GALNTL6: variants seen among roughly 807,000 people sequenced by gnomAD.
The protein encoded by GALNTL6 is polypeptide N-acetylgalactosaminyltransferase-like 6.
Under a neutral mutation model 73.7 loss-of-function variants are expected in GALNTL6, and 46 were observed. That is an observed-to-expected ratio of 0.62 (90% CI 0.49 to 0.80). The LOEUF is 0.80. Ranked by LOEUF, GALNTL6 falls within the 30% of genes least tolerant of loss-of-function variation. GALNTL6 has a pLI of 0.00. For synonymous variants in GALNTL6, 259 were observed against 263.7 expected (o/e 0.98, Z 0.17); for missense variants, 604 against 755.0 (o/e 0.80, Z 2.34).
At chr4:172,856,282 A>G (rs1233492572) in intron 7 of GALNTL6, among the ~76,000 whole-genome samples, 1 of 152,218 alleles carries the variant, frequency 6.6e-6, no homozygotes, top group Non-Finnish European at 1.5e-5. Flanking sequence ...TCAAAAGCAC[A>G]AGTCAAATCA....
intron 8 of GALNTL6, among the ~76,000 whole-genome samples, chr4:172,928,000 A>T (rs1748146255): frequency 1.3e-5 from 2 of 152,232 alleles, no homozygotes; most frequent in African/African-American, 4.8e-5. Flanking sequence ...TGGAAACTAT[A>T]ATCTCCCACA....
chr4:171,937,230 G>A (rs1560849173), intron 2 of GALNTL6, among the ~76,000 whole-genome samples: 1 of 152,046 alleles, frequency 6.6e-6, no homozygotes, highest in Non-Finnish European at 1.5e-5. Flanking sequence ...TGACATGAGT[G>A]CGATGAAATG....
intron 4 of GALNTL6, among the ~76,000 whole-genome samples, chr4:172,339,508 G>T (rs944733941): frequency 1.3e-5 from 2 of 152,008 alleles, no homozygotes; most frequent in African/African-American, 2.4e-5. Context: ...CACTCCAATC[G>T]CTGGCCTGAG....
At chr4:172,261,525 G>T (rs766955139) in intron 3 of GALNTL6, among the ~76,000 whole-genome samples, 1 of 150,870 alleles carries the variant, frequency 6.6e-6, no homozygotes, top group Non-Finnish European at 1.5e-5. Context: ...ACTAATGTTC[G>T]ATCACTTTTG....
chr4:172,084,156 T>C (rs927568275), intron 2 of GALNTL6, among the ~76,000 whole-genome samples: 5 of 152,128 alleles, frequency 3.3e-5, no homozygotes, highest in African/African-American at 1.2e-4. Flanking sequence ...AATACAAACC[T>C]GGGAGTTTGT....
At chr4:172,892,739 C>A (rs1186049142) in intron 8 of GALNTL6, among the ~76,000 whole-genome samples, 1 of 151,852 alleles carries the variant, frequency 6.6e-6, no homozygotes, top group Non-Finnish European at 1.5e-5. Context: ...GAGATGACTC[C>A]CTCACCAACT....
chr4:172,116,645 TA>T (rs1732992470), intron 2 of GALNTL6, among the ~76,000 whole-genome samples: 2 of 152,178 alleles, frequency 1.3e-5, no homozygotes, highest in South Asian at 2.1e-4. Flanking sequence ...AGAAATGAAG[TA>T]AAAAACAAGG....
At chr4:172,724,646 A>G (rs566962718) in intron 5 of GALNTL6, among the ~76,000 whole-genome samples, 125 of 152,274 alleles carry the variant, frequency 8.2e-4, no homozygotes, top group African/African-American at 2.9e-3. Flanking sequence ...ACCTCAATAC[A>G]TTTGTATAAA....
intron 5 of GALNTL6, among the ~76,000 whole-genome samples, chr4:172,638,878 T>G (rs1739826598): frequency 6.6e-6 from 1 of 152,164 alleles, no homozygotes; most frequent in Non-Finnish European, 1.5e-5. Flanking sequence ...TTAACACTTT[T>G]GAAGAGTACT....
At chr4:172,137,339 A>G (rs951025421) in intron 2 of GALNTL6, among the ~76,000 whole-genome samples, 3 of 152,214 alleles carry the variant, frequency 2.0e-5, no homozygotes, top group African/African-American at 7.2e-5. Context: ...TTTACACTCT[A>G]CATAAATGCA....
chr4:172,539,271 C>G (rs1046193161), intron 5 of GALNTL6, among the ~76,000 whole-genome samples: 2 of 152,138 alleles, frequency 1.3e-5, no homozygotes, highest in Non-Finnish European at 2.9e-5. Flanking sequence ...GTTGTGATCA[C>G]TTAGAAGACA....
At chr4:172,004,217 T>C (rs551262503) in intron 2 of GALNTL6, among the ~76,000 whole-genome samples, 2 of 152,266 alleles carry the variant, frequency 1.3e-5, no homozygotes, top group East Asian at 3.9e-4. Context: ...TAATAGTTTG[T>C]CCCCACAAAA....
chr4:171,932,899 T>C (rs1738228844), intron 2 of GALNTL6, among the ~76,000 whole-genome samples: 2 of 152,158 alleles, frequency 1.3e-5, no homozygotes, highest in Non-Finnish European at 2.9e-5. Flanking sequence ...GGCATCCATA[T>C]TCAATACCTT....
chr4:172,830,150 TAAAG>T (rs1366975941), intron 7 of GALNTL6, among the ~76,000 whole-genome samples: 1 of 152,182 alleles, frequency 6.6e-6, no homozygotes, highest in African/African-American at 2.4e-5. Flanking sequence ...GTAAAATAGA[TAAAG>T]AGAATTTTTC....
intron 10 of GALNTL6, among the ~76,000 whole-genome samples, chr4:172,956,118 G>T (rs934149183): frequency 6.6e-6 from 1 of 151,972 alleles, no homozygotes; most frequent in Non-Finnish European, 1.5e-5. Flanking sequence ...TTGAAGTGGT[G>T]GGGCGGCAAA....
At chr4:171,948,758 G>A (rs1238431574) in intron 2 of GALNTL6, among the ~76,000 whole-genome samples, 1 of 151,860 alleles carries the variant, frequency 6.6e-6, no homozygotes, top group Non-Finnish European at 1.5e-5. Flanking sequence ...ATCAATGACT[G>A]TTTCCCTTTG....
chr4:172,694,207 G>A (rs985035612), intron 5 of GALNTL6, among the ~76,000 whole-genome samples: 9 of 151,634 alleles, frequency 5.9e-5, no homozygotes, highest in South Asian at 4.2e-4. Context: ...TACATGTGCC[G>A]TGGTGTTTTG....
chr4:172,941,135 G>A (rs2126308476), intron 9 of GALNTL6, among the ~76,000 whole-genome samples: 1 of 152,194 alleles, frequency 6.6e-6, no homozygotes, highest in Admixed American at 6.5e-5. Context: ...TTTCAGCTCA[G>A]TTATGACTTG....
chr4:172,809,452 C>A lies in GALNTL6; in HGVS notation c.645C>A (p.Thr215=). ...RTKKREGLIR[T]RLLGASMARG... is the part of the protein sequence containing the mutation. ...AGAAAAGAGAAGGACTCATCCGGAC[C>A]CGTCTCCTGGGGGCATCTATGGCCA... Residue 215 remains threonine (T), a synonymous_variant, in exon 6 of 13, where the codon ACC becomes ACA. Coordinates refer to ENST00000506823, the MANE Select transcript of GALNTL6 (RefSeq NM_001034845.3). The surrounding 1 kb of genome is among the most constrained non-coding windows in gnomAD (Gnocchi z 4.4). 1.2e-6 allele frequency: 2 copies of A among 1,613,832 alleles called. No homozygotes were observed. The highest frequency in any genetic ancestry group is 2.7e-5 in the African/African-American group (2 of 74,996).
Sources: allele counts gnomAD v4.1 joint callset (sites outside exome capture counted in the v4.1 genomes callset), GRCh38; gene constraint gnomAD v4.1.1; non-coding constraint Gnocchi (gnomAD v3.1); transcripts MANE v1.5; gene names NCBI Gene and HGNC (gene_info 2026-07-23, HGNC 2026-07-21).